The following NBAS variants were observed in gnomAD, a reference collection of about 807,000 sequenced individuals.
NBAS encodes NBAS subunit of NRZ tethering complex, also known as NAG/BC035112 fusion.
Under a neutral mutation model 302.5 loss-of-function variants are expected in NBAS, and 219 were observed. The ratio of observed to expected loss-of-function variants is 0.72; its 90% CI spans 0.65 to 0.81. The LOEUF is 0.81. Among genes scored for constraint, NBAS ranks in the 30% least tolerant of loss-of-function variants. The pLI, the probability that NBAS is intolerant of heterozygous loss-of-function variation, is 0.00. For synonymous variants in NBAS, 1,118 were observed against 1,021.6 expected (o/e 1.09, Z -1.80); for missense variants, 2,932 against 2,841.6 (o/e 1.03, Z -0.72).
chr2:14,873,877 T>G, the NBAS span, among the ~76,000 whole-genome samples: 1 of 151,892 alleles, frequency 6.6e-6, no homozygotes, highest in African/African-American at 2.4e-5. Context: ...AAATCAATGA[T>G]CTAAAATTTC....
chr2:15,116,920 T>C, the NBAS span, among the ~76,000 whole-genome samples: 1 of 152,202 alleles, frequency 6.6e-6, no homozygotes, highest in East Asian at 1.9e-4. Flanking sequence ...AAACTCATTC[T>C]AGCAAGAGAT....
intron 9 of NBAS, among the ~76,000 whole-genome samples, chr2:15,526,189 T>C (rs1276115426): frequency 1.3e-5 from 2 of 152,180 alleles, no homozygotes; most frequent in Non-Finnish European, 2.9e-5. Context: ...GAAGCAAGAC[T>C]GGAATGAGAT....
chr2:15,503,365 G>C (rs925806436), intron 11 of NBAS, among the ~76,000 whole-genome samples: 7 of 152,284 alleles, frequency 4.6e-5, no homozygotes, highest in African/African-American at 9.6e-5. Flanking sequence ...CAGTATTTGA[G>C]GGATATAGAA....
At chr2:15,373,394 G>GA (rs11440206) in intron 31 of NBAS, among the ~76,000 whole-genome samples, 94,924 of 151,930 alleles carry the variant, frequency 0.62, 30,399 homozygotes, top group Middle Eastern at 0.68. Context: ...GCAACAGCGT[G>GA]ATCATGGCTT....
chr2:15,248,680 T>C (rs990495109), intron 44 of NBAS, among the ~76,000 whole-genome samples: 3 of 152,114 alleles, frequency 2.0e-5, no homozygotes, highest in East Asian at 3.9e-4. Context: ...GAGAATACTA[T>C]AAACACCTCT....
chr2:15,196,709 T>A (rs1267258585), intron 48 of NBAS, among the ~76,000 whole-genome samples: 1 of 152,208 alleles, frequency 6.6e-6, no homozygotes, highest in Admixed American at 6.5e-5. Flanking sequence ...TGGCTACATA[T>A]ATATTTAATA....
the NBAS span, among the ~76,000 whole-genome samples, chr2:15,049,500 T>C: frequency 1.3e-4 from 20 of 152,146 alleles, no homozygotes; most frequent in African/African-American, 4.8e-4. Flanking sequence ...GAGCTCTTGA[T>C]AGGGAGAGGA....
At chr2:15,495,385 A>C (rs975754064) in intron 11 of NBAS, among the ~76,000 whole-genome samples, 1 of 152,226 alleles carries the variant, frequency 6.6e-6, no homozygotes, top group African/African-American at 2.4e-5. Flanking sequence ...TGGACACAAA[A>C]GGACAAAAGA....
intron 44 of NBAS, among the ~76,000 whole-genome samples, chr2:15,254,837 A>G (rs1413922696): frequency 6.6e-6 from 1 of 151,798 alleles, no homozygotes; most frequent in Non-Finnish European, 1.5e-5. Flanking sequence ...ATGGTCTCCA[A>G]CTCCATCCAG....
the NBAS span, among the ~76,000 whole-genome samples, chr2:14,983,374 A>G: frequency 6.6e-6 from 1 of 152,250 alleles, no homozygotes; most frequent in Admixed American, 6.5e-5. Context: ...ACTTGCTTGC[A>G]AGCCTTTCTC....
the NBAS span, among the ~76,000 whole-genome samples, chr2:14,839,400 C>G: frequency 6.6e-6 from 1 of 151,994 alleles, no homozygotes; most frequent in Admixed American, 6.6e-5. Context: ...TACCTCAACT[C>G]ACAGGAAGAA....
chr2:14,877,490 G>A, the NBAS span, among the ~76,000 whole-genome samples: 1 of 152,194 alleles, frequency 6.6e-6, no homozygotes, highest in Non-Finnish European at 1.5e-5. Context: ...GCTAAGCAAA[G>A]TGGAGGTATA....
At chr2:15,010,364 C>G in the NBAS span, among the ~76,000 whole-genome samples, 1 of 152,144 alleles carries the variant, frequency 6.6e-6, no homozygotes, top group East Asian at 1.9e-4. Context: ...AGAGGAGTCT[C>G]TGGGAACAGA....
At chr2:14,981,832 A>T in the NBAS span, among the ~76,000 whole-genome samples, 3 of 152,200 alleles carry the variant, frequency 2.0e-5, no homozygotes, top group Non-Finnish European at 4.4e-5. Context: ...GTGTTATGTC[A>T]CCAGAATGCT....
Position 15,516,557 on chromosome 2 carries a change from T to C in NBAS, c.747-5207A>G, listed in dbSNP as rs543010316. On this transcript the variant is annotated intron_variant, in intron 9 of 51. Transcript: ENST00000281513. Reference sequence around the variant, plus strand: ...GGGCAACATGGTGAAACCCCGTCTCTACTAAAATACAAAAAATTATCCAGG... The same window carrying C: ...GGGCAACATGGTGAAACCCCGTCTCCACTAAAATACAAAAAATTATCCAGG... Among the ~76,000 whole-genome samples, 466 of 152,158 alleles carry C rather than the reference T, an allele frequency of 3.1e-3. 1 individual carries two copies. Among genetic ancestry groups the C allele is most frequent in the African/African-American group, 0.01 (432 of 41,506 alleles).
At chr2:14,911,480 A>G in the NBAS span, among the ~76,000 whole-genome samples, 6 of 152,200 alleles carry the variant, frequency 3.9e-5, no homozygotes, top group African/African-American at 1.2e-4. Context: ...AGAGAGGGGC[A>G]TGAGGCTATT....
chr2:15,044,582 ACT>A, the NBAS span, among the ~76,000 whole-genome samples: 2 of 152,176 alleles, frequency 1.3e-5, no homozygotes, highest in South Asian at 2.1e-4. Flanking sequence ...ACATGAGGAG[ACT>A]CTATGAGTTG....
the NBAS span, among the ~76,000 whole-genome samples, chr2:15,037,179 C>T: frequency 1.3e-5 from 2 of 152,180 alleles, no homozygotes; most frequent in Non-Finnish European, 2.9e-5. Flanking sequence ...CTCCTTCCTC[C>T]ATGACCCCTA....
Position 15,292,769 on chromosome 2 carries a change from AT to A in NBAS, c.4798-4del. The A allele has an allele frequency of 6.2e-7, 1 of 1,613,956 alleles. No homozygotes were observed. The highest frequency in any genetic ancestry group is 8.5e-7 in the Non-Finnish European group (1 of 1,179,830). ...TTGATTAGTTCTTTGGGATCAGCCT[AT>A]GAAAGACATGGAAAAGAAGACATTT... On this transcript the variant is annotated splice_polypyrimidine_tract_variant and splice_region_variant and intron_variant, in intron 40 of 51. Coordinates refer to ENST00000281513, the MANE Select transcript of NBAS (RefSeq NM_015909.4).
Sources: allele counts gnomAD v4.1 joint callset (sites outside exome capture counted in the v4.1 genomes callset), GRCh38; gene constraint gnomAD v4.1.1; transcripts MANE v1.5; gene names NCBI Gene and HGNC (gene_info 2026-07-23, HGNC 2026-07-21).